Variants in BTAF1 observed in about 807,000 individuals in gnomAD.
BTAF1 encodes TATA-binding protein-associated factor 172.
In BTAF1, 38 loss-of-function variants were observed where a neutral mutation model predicts 227.1. The ratio of observed to expected loss-of-function variants is 0.17; its 90% CI spans 0.13 to 0.22. The LOEUF is 0.22. Ranked by LOEUF, BTAF1 falls within the 10% of genes least tolerant of loss-of-function variation. The pLI, the probability that BTAF1 is intolerant of heterozygous loss-of-function variation, is 1.00. For synonymous variants in BTAF1, 742 were observed against 751.9 expected (o/e 0.99, Z 0.21); for missense variants, 1,598 against 2,204.0 (o/e 0.73, Z 5.51).
chr10:92,004,581 C>T (rs1352519500), intron 25 of BTAF1, among the ~76,000 whole-genome samples: 2 of 152,124 alleles, frequency 1.3e-5, no homozygotes, highest in Admixed American at 6.5e-5. Flanking sequence ...GATCTTTCCA[C>T]CCCAGCCTCC....
chr10:91,926,219 T>C (rs994196812), intron 1 of BTAF1, among the ~76,000 whole-genome samples: 1 of 152,190 alleles, frequency 6.6e-6, no homozygotes, highest in Non-Finnish European at 1.5e-5. Flanking sequence ...TTACGTAAAA[T>C]AGGTGGAAAA....
chr10:91,951,484 T>C lies in BTAF1; in HGVS notation c.482T>C (p.Ile161Thr), dbSNP rs769553303. The C allele has an allele frequency of 1.2e-6, 2 of 1,613,088 alleles. No individual in the cohort carries two copies. The highest frequency in any genetic ancestry group is 1.7e-6 in the Non-Finnish European group (2 of 1,179,640). The change falls in exon 5 of 38, where the codon ATT becomes ACT. Residue 161 changes from isoleucine (I) to threonine (T), a missense_variant. Ile to Thr is a moderately conservative substitution (Grantham distance 89, BLOSUM62 -1). Around this residue, in one of 10 missense-constraint regions of BTAF1, gnomAD observed 298 missense variants for 395.2 expected, o/e 0.75. Transcript: ENST00000265990. ...KKLGLNMGEA[I>T]GMSTEELFND... ...CTTGGCCTTAATATGGGAGAAGCAA[T>C]TGGAATGAGTACTGAAGAACTTTTC...
At chr10:91,943,677 G>C (rs1303204728) in intron 4 of BTAF1, among the ~76,000 whole-genome samples, 1 of 152,064 alleles carries the variant, frequency 6.6e-6, no homozygotes, top group East Asian at 1.9e-4. Context: ...GAAAAGCATA[G>C]TTTTTCTAAT....
chr10:91,946,357 C>T lies in BTAF1; in HGVS notation c.400+3789C>T, dbSNP rs1284808633. ...CTGGGCAACAAGAGTGAAACTCTGT[C>T]TAAAAAAAAGAAAGAAAGAAAAATA... is the stretch of plus-strand genomic sequence containing the variant. On this transcript the variant is annotated intron_variant, in intron 4 of 37. Coordinates refer to ENST00000265990, the MANE Select transcript of BTAF1 (RefSeq NM_003972.3). 2.0e-5 allele frequency among the ~76,000 whole-genome samples: 3 copies of T among 151,910 alleles called. No homozygotes were observed. In the East Asian group the frequency reaches 5.8e-4, roughly 29 times the overall value.
intron 4 of BTAF1, among the ~76,000 whole-genome samples, chr10:91,944,411 C>G (rs2133828262): frequency 6.6e-6 from 1 of 152,038 alleles, no homozygotes; most frequent in South Asian, 2.1e-4. Context: ...TAGATTATTT[C>G]CCCCAATAGG....
intron 4 of BTAF1, among the ~76,000 whole-genome samples, chr10:91,945,434 C>T (rs992237779): frequency 2.6e-5 from 4 of 152,056 alleles, no homozygotes; most frequent in Non-Finnish European, 4.4e-5. Flanking sequence ...ACCTATTAAA[C>T]GTCAAATCCC....
chr10:92,002,255 A>T (rs939734344), intron 25 of BTAF1, among the ~76,000 whole-genome samples: 1 of 152,170 alleles, frequency 6.6e-6, no homozygotes, highest in African/African-American at 2.4e-5. Flanking sequence ...CTTTATTTTG[A>T]TTCTCTCTGT....
chr10:91,959,031 T>G (rs894806357), intron 8 of BTAF1, 34 bp from the exon 9 acceptor site: 4 of 1,584,290 alleles, frequency 2.5e-6, no homozygotes, highest in Non-Finnish European at 3.5e-6. Flanking sequence ...CTTAAACATT[T>G]AACATCTGAC....
intron 2 of BTAF1, among the ~76,000 whole-genome samples, chr10:91,937,614 A>G (rs1387893460): frequency 1.3e-5 from 2 of 152,170 alleles, no homozygotes; most frequent in East Asian, 1.9e-4. Context: ...TGTAGCATGT[A>G]TATTCATTCT....
intron 19 of BTAF1, among the ~76,000 whole-genome samples, chr10:91,985,102 A>G (rs1181553892): frequency 6.6e-6 from 1 of 152,148 alleles, no homozygotes; most frequent in Non-Finnish European, 1.5e-5. Flanking sequence ...ACCACTGTCA[A>G]GATACAGAAC....
chr10:91,970,835 C>T (rs2676824), intron 14 of BTAF1, among the ~76,000 whole-genome samples: 90,187 of 152,122 alleles, frequency 0.59, 30,468 homozygotes, highest in East Asian at 0.77. Context: ...CATTAAAAGA[C>T]AAACTAAGCT....
chr10:91,980,631 G>A (rs1847993117), intron 15 of BTAF1, 73 bp downstream of exon 15: 3 of 1,152,644 alleles, frequency 2.6e-6, no homozygotes, highest in Non-Finnish European at 2.6e-6. Context: ...CATAATTGCT[G>A]TTCTGTTGGT....
intron 14 of BTAF1, among the ~76,000 whole-genome samples, chr10:91,974,041 A>C (rs909682234): frequency 6.6e-6 from 1 of 152,072 alleles, no homozygotes; most frequent in African/African-American, 2.4e-5. Flanking sequence ...TTGCTTTCCC[A>C]CTTCTGCTTA....
chr10:91,991,334 C>T (rs527490149), intron 20 of BTAF1, among the ~76,000 whole-genome samples: 1 of 139,900 alleles, frequency 7.1e-6, no homozygotes, highest in African/African-American at 2.5e-5. Context: ...ATCCTAGCTA[C>T]TCAGGAGGCT....
intron 15 of BTAF1, among the ~76,000 whole-genome samples, chr10:91,981,190 T>C (rs1423800284): frequency 1.3e-5 from 2 of 152,178 alleles, no homozygotes; most frequent in Admixed American, 6.6e-5. Context: ...TTATCCTTAT[T>C]AAGTAAGATC....
chr10:91,960,544 A>C (rs1846429919), intron 11 of BTAF1, among the ~76,000 whole-genome samples: 1 of 151,920 alleles, frequency 6.6e-6, no homozygotes, highest in South Asian at 2.1e-4. Context: ...AGTGTAAAGC[A>C]GACAATCTGT....
In BTAF1 at chr10:91,953,906, CAA is replaced by C. The variant is rs757166070; in HGVS notation, c.701+34_701+35del. ...TCTTTTTTTGCCTATTCACTTAAAACAAGAGGGCTCTGTGGCTTTAATCTGTG... is the reference window on the plus strand; with the variant it reads ...TCTTTTTTTGCCTATTCACTTAAAACGAGGGCTCTGTGGCTTTAATCTGTG... On this transcript the variant is annotated intron_variant, in intron 6 of 37. Transcript: ENST00000265990. 34 of 1,609,024 alleles carry C rather than the reference CAA, an allele frequency of 2.1e-5. No homozygotes were observed. In the East Asian group the frequency reaches 5.8e-4, roughly 27 times the overall value.
At chr10:92,008,980 T>G in intron 27 of BTAF1, 30 bp downstream of exon 27, 1 of 1,612,004 alleles carries the variant, frequency 6.2e-7, no homozygotes, top group Admixed American at 1.7e-5. Context: ...TAAAATAAGG[T>G]TTCCGGATTT....
chr10:91,949,839 A>G (rs1845625342), intron 4 of BTAF1, among the ~76,000 whole-genome samples: 1 of 152,106 alleles, frequency 6.6e-6, no homozygotes, highest in South Asian at 2.1e-4. Context: ...CCAAGCCAGA[A>G]AGACTGTGGG....
Sources: gnomAD v4.1 joint callset for allele counts (sites outside exome capture counted in the v4.1 genomes callset) on GRCh38, gnomAD v4.1.1 for gene constraint, gnomAD v4.1.1 regional missense constraint, MANE v1.5 for transcripts, NCBI Gene and HGNC (gene_info 2026-07-23, HGNC 2026-07-21) for gene names.